L3MBTL4: variants seen among roughly 807,000 people sequenced by gnomAD.
The protein encoded by L3MBTL4 is lethal(3)malignant brain tumor-like protein 4.
In L3MBTL4, 70 loss-of-function variants were observed where a neutral mutation model predicts 84.5. That is an observed-to-expected ratio of 0.83 (90% CI 0.68 to 1.01). The LOEUF (loss-of-function observed/expected upper bound fraction) is 1.01, where lower values mean the gene tolerates loss of function less well. Among genes scored for constraint, L3MBTL4 ranks in the 50% least tolerant of loss-of-function variants. L3MBTL4 has a pLI of 0.00. For synonymous variants in L3MBTL4, 274 were observed against 259.8 expected, an observed-to-expected ratio of 1.05 and a Z score of -0.52; for missense variants, 715 against 754.8, an observed-to-expected ratio of 0.95 and a Z score of 0.62.
chr18:6,291,378 C>T (rs2049858726), intron 4 of L3MBTL4, among the ~76,000 whole-genome samples: 1 of 152,042 alleles, frequency 6.6e-6, no homozygotes, highest in African/African-American at 2.4e-5. Flanking sequence ...ACAAAAGACC[C>T]CAAACAGCCA....
intron 1 of L3MBTL4, among the ~76,000 whole-genome samples, chr18:6,399,545 A>G (rs750828620): frequency 1.3e-5 from 2 of 152,342 alleles, no homozygotes; most frequent in Non-Finnish European, 2.9e-5. Flanking sequence ...ATAACCATTT[A>G]TTTCCAACTC....
intron 1 of L3MBTL4, among the ~76,000 whole-genome samples, chr18:6,373,514 C>G (rs1048727067): frequency 6.6e-6 from 1 of 152,224 alleles, no homozygotes; most frequent in African/African-American, 2.4e-5. Flanking sequence ...TCCTATCTGC[C>G]CTGCACACAC....
At chr18:5,975,756 G>A (rs978946916) in intron 16 of L3MBTL4, among the ~76,000 whole-genome samples, 1 of 152,140 alleles carries the variant, frequency 6.6e-6, no homozygotes, top group Non-Finnish European at 1.5e-5. Flanking sequence ...GTCTATTTCC[G>A]TATGGGAACA....
At chr18:6,295,309 A>ACTCTCTCTCTCTCTCTCT (rs58507219) in intron 4 of L3MBTL4, among the ~76,000 whole-genome samples, 1 of 62,738 alleles carries the variant, frequency 1.6e-5, no homozygotes, top group African/African-American at 5.8e-5. Flanking sequence ...AACAACAACA[A>ACTCTCTCTCTCTCTCTCT]CTCTCTCTCT....
chr18:6,250,435 A>G (rs927844628), intron 5 of L3MBTL4, among the ~76,000 whole-genome samples: 2 of 152,194 alleles, frequency 1.3e-5, no homozygotes, highest in Non-Finnish European at 2.9e-5. Flanking sequence ...TGTCATGATT[A>G]TTTTGTGAAC....
intron 1 of L3MBTL4, among the ~76,000 whole-genome samples, chr18:6,320,046 T>C (rs930029065): frequency 6.6e-6 from 1 of 152,030 alleles, no homozygotes; most frequent in Non-Finnish European, 1.5e-5. Context: ...AAAAGCCATA[T>C]GATCATTTCA....
At chr18:6,052,255 C>G (rs1803600011) in intron 16 of L3MBTL4, among the ~76,000 whole-genome samples, 1 of 152,158 alleles carries the variant, frequency 6.6e-6, no homozygotes, top group Non-Finnish European at 1.5e-5. Context: ...ATGCTACCAA[C>G]TGGAAATTCC....
At chr18:6,338,259 A>C (rs1341766798) in intron 1 of L3MBTL4, among the ~76,000 whole-genome samples, 1 of 151,964 alleles carries the variant, frequency 6.6e-6, no homozygotes, top group African/African-American at 2.4e-5. Flanking sequence ...TGGAGAGGAG[A>C]GGAGAGAGTT....
chr18:6,181,799 A>C (rs557295993), intron 12 of L3MBTL4, among the ~76,000 whole-genome samples: 68 of 152,268 alleles, frequency 4.5e-4, no homozygotes, highest in African/African-American at 1.5e-3. Flanking sequence ...ACTTAGGATA[A>C]CGGTCTCCAG....
chr18:6,228,002 G>T (rs1275997161), intron 10 of L3MBTL4, among the ~76,000 whole-genome samples: 1 of 152,074 alleles, frequency 6.6e-6, no homozygotes, highest in East Asian at 1.9e-4. Context: ...CATAATAGTT[G>T]TACACTATCT....
intron 10 of L3MBTL4, among the ~76,000 whole-genome samples, chr18:6,234,469 A>G (rs1013070871): frequency 3.3e-5 from 5 of 152,252 alleles, no homozygotes; most frequent in Admixed American, 1.3e-4. Context: ...CAAATTTACA[A>G]GAAAAAAACA....
At chr18:6,130,606 T>C (rs530981590) in intron 14 of L3MBTL4, among the ~76,000 whole-genome samples, 1 of 152,164 alleles carries the variant, frequency 6.6e-6, no homozygotes, top group Non-Finnish European at 1.5e-5. Context: ...AATATAATTA[T>C]TGGTTCTTCA....
intron 16 of L3MBTL4, among the ~76,000 whole-genome samples, chr18:5,993,290 C>G (rs1023603726): frequency 6.6e-6 from 1 of 152,164 alleles, no homozygotes; most frequent in South Asian, 2.1e-4. Context: ...CCTTTCTTCC[C>G]AAATGGAATG....
chr18:6,046,247 A>T (rs1165291233), intron 16 of L3MBTL4, among the ~76,000 whole-genome samples: 1 of 152,228 alleles, frequency 6.6e-6, no homozygotes, highest in South Asian at 2.1e-4. Context: ...GGGCACCCAG[A>T]TTCATGAAAC....
At chr18:6,028,881 A>G (rs189853855) in intron 16 of L3MBTL4, among the ~76,000 whole-genome samples, 7 of 152,344 alleles carry the variant, frequency 4.6e-5, no homozygotes, top group African/African-American at 1.4e-4. Context: ...TTATAGAAGA[A>G]AGAAAAGAAT....
intron 12 of L3MBTL4, among the ~76,000 whole-genome samples, chr18:6,188,847 G>A (rs2044920312): frequency 1.3e-5 from 2 of 152,234 alleles, no homozygotes; most frequent in Non-Finnish European, 2.9e-5. Context: ...ACTAGAGGGA[G>A]TACAGGGAAG....
chr18:6,330,390 C>T (rs955484664), intron 1 of L3MBTL4, among the ~76,000 whole-genome samples: 2 of 152,210 alleles, frequency 1.3e-5, no homozygotes, highest in African/African-American at 2.4e-5. Context: ...CATTTTCTTG[C>T]CTTTCACAGT....
At chr18:6,255,712 CT>C (rs1427141926) in intron 5 of L3MBTL4, among the ~76,000 whole-genome samples, 3 of 151,188 alleles carry the variant, frequency 2.0e-5, no homozygotes, top group African/African-American at 7.3e-5. Context: ...TTTTTTCCCC[CT>C]GGGAGTACTG....
chr18:6,202,774 GA>G (rs2045702414), intron 12 of L3MBTL4, among the ~76,000 whole-genome samples: 1 of 152,126 alleles, frequency 6.6e-6, no homozygotes, highest in African/African-American at 2.4e-5. Context: ...GCCTAGGGAA[GA>G]AAAAGGTTTG....
Sources: allele counts gnomAD v4.1 joint callset (sites outside exome capture counted in the v4.1 genomes callset), GRCh38; gene constraint gnomAD v4.1.1; transcripts MANE v1.5; gene names NCBI Gene and HGNC (gene_info 2026-07-23, HGNC 2026-07-21).